TMEM108: variants seen among roughly 807,000 people sequenced by gnomAD.
TMEM108 encodes the protein cancer/testis antigen 124.
TMEM108 carries 12 observed loss-of-function variants against 35.1 expected under a neutral mutation model. The ratio of observed to expected loss-of-function variants is 0.34; its 90% CI spans 0.22 to 0.55. The LOEUF is 0.55. Ranked by LOEUF, TMEM108 falls within the 20% of genes least tolerant of loss-of-function variation. The pLI, the probability that TMEM108 is intolerant of heterozygous loss-of-function variation, is 0.89. For missense variants in TMEM108, 680 were observed against 753.3 expected, an observed-to-expected ratio of 0.90 and a Z score of 1.14; for synonymous variants, 287 against 308.6, an observed-to-expected ratio of 0.93 and a Z score of 0.73.
chr3:133,179,100 A>T (rs1945287734), intron 2 of TMEM108, among the ~76,000 whole-genome samples: 2 of 151,924 alleles, frequency 1.3e-5, no homozygotes, highest in Non-Finnish European at 2.9e-5. Context: ...TCAAAACCAC[A>T]ATGAGATACC....
intron 3 of TMEM108, among the ~76,000 whole-genome samples, chr3:133,286,175 TCAATAAAC>T (rs1946982168): frequency 2.0e-5 from 3 of 152,310 alleles, no homozygotes; most frequent in Admixed American, 2.0e-4. Context: ...CCATAAATTT[TCAATAAAC>T]TCCTTCTATA....
At chr3:133,337,637 C>T (rs181446106) in intron 3 of TMEM108, among the ~76,000 whole-genome samples, 1 of 152,204 alleles carries the variant, frequency 6.6e-6, no homozygotes, top group Admixed American at 6.5e-5. Context: ...CTTTAATGCC[C>T]AGACGTCGAA....
At chr3:133,171,805 G>GA (rs935441002) in intron 2 of TMEM108, among the ~76,000 whole-genome samples, 3 of 151,994 alleles carry the variant, frequency 2.0e-5, no homozygotes, top group African/African-American at 7.2e-5. Flanking sequence ...CACATTTTTT[G>GA]AAAAAACCTA....
At chr3:133,165,495 GA>G (rs1405909139) in intron 2 of TMEM108, among the ~76,000 whole-genome samples, 1 of 150,634 alleles carries the variant, frequency 6.6e-6, no homozygotes, top group South Asian at 2.1e-4. Flanking sequence ...GGTAAGTGGA[GA>G]AAAAAAAAGA....
chr3:133,157,930 A>AC (rs1438131538), intron 2 of TMEM108, among the ~76,000 whole-genome samples: 1 of 152,188 alleles, frequency 6.6e-6, no homozygotes, highest in African/African-American at 2.4e-5. Flanking sequence ...ACTGCAGACT[A>AC]CAACATGGCC....
chr3:133,378,462 G>A (rs1226297457), intron 3 of TMEM108: 1 of 985,364 alleles, frequency 1.0e-6, no homozygotes, highest in Non-Finnish European at 1.2e-6. Flanking sequence ...CGCAGACAGA[G>A]ATCTCTCTCC....
At chr3:133,251,633 A>G (rs1946472768) in intron 3 of TMEM108, among the ~76,000 whole-genome samples, 1 of 152,154 alleles carries the variant, frequency 6.6e-6, no homozygotes, top group Non-Finnish European at 1.5e-5. Flanking sequence ...TATCATAGAA[A>G]GGGAAGAGAT....
rs978412166 is a variant in TMEM108 at position 133,219,177 on chromosome 3, TC to T, written c.-46-10087del. 2.6e-5 allele frequency among the ~76,000 whole-genome samples: 4 copies of T among 152,146 alleles called. No individual in the cohort carries two copies. In the East Asian group the frequency reaches 5.8e-4, roughly 22 times the overall value. ...TATTCAATTTGTTGGCATATAATTG[TC>T]CACAGTAGTCTGTTATGATCCTTTG... On this transcript the variant is annotated intron_variant, in intron 2 of 5. Coordinates refer to ENST00000321871, the MANE Select transcript of TMEM108 (RefSeq NM_023943.4).
At chr3:133,302,961 G>A (rs886859274) in intron 3 of TMEM108, among the ~76,000 whole-genome samples, 1 of 152,036 alleles carries the variant, frequency 6.6e-6, no homozygotes, top group Non-Finnish European at 1.5e-5. Flanking sequence ...ATCAAACAGT[G>A]GACTCCATTT....
intron 4 of TMEM108, among the ~76,000 whole-genome samples, chr3:133,385,639 G>A (rs2073129575): frequency 6.6e-6 from 1 of 152,202 alleles, no homozygotes; most frequent in Non-Finnish European, 1.5e-5. Flanking sequence ...ACAAAACAAA[G>A]GGGCCAAACT....
chr3:133,309,081 T>C (rs1479984984), intron 3 of TMEM108, among the ~76,000 whole-genome samples: 2 of 152,216 alleles, frequency 1.3e-5, no homozygotes, highest in African/African-American at 2.4e-5. Flanking sequence ...CTTCCTGGTT[T>C]AGTCTTGGGA....
chr3:133,205,841 G>A (rs1945745019), intron 2 of TMEM108, among the ~76,000 whole-genome samples: 1 of 152,030 alleles, frequency 6.6e-6, no homozygotes, highest in African/African-American at 2.4e-5. Flanking sequence ...TTGAATGTTG[G>A]CCTGTCTTGC....
intron 3 of TMEM108, among the ~76,000 whole-genome samples, chr3:133,285,043 C>G (rs947301473): frequency 7.9e-5 from 12 of 151,852 alleles, no homozygotes; most frequent in African/African-American, 2.9e-4. Flanking sequence ...GATATTTCTT[C>G]ATTTATCTTT....
intron 3 of TMEM108, among the ~76,000 whole-genome samples, chr3:133,296,951 G>A (rs1347756077): frequency 2.6e-5 from 4 of 152,166 alleles, no homozygotes; most frequent in Non-Finnish European, 4.4e-5. Context: ...CTTTCTTAAT[G>A]GTTGGGGGGA....
At chr3:133,104,155 CTT>C (rs2107717771) in intron 2 of TMEM108, among the ~76,000 whole-genome samples, 1 of 95,146 alleles carries the variant, frequency 1.1e-5, no homozygotes, top group Non-Finnish European at 3.0e-5. Context: ...ATTTTCTTAA[CTT>C]CTCTTAGCCT....
intron 3 of TMEM108, among the ~76,000 whole-genome samples, chr3:133,344,640 A>G (rs1576475935): frequency 6.6e-6 from 1 of 151,864 alleles, no homozygotes; most frequent in African/African-American, 2.4e-5. Flanking sequence ...AAACAATCAC[A>G]CTTATGAATT....
chr3:133,095,587 T>C (rs1023682777), intron 2 of TMEM108, among the ~76,000 whole-genome samples: 4 of 152,114 alleles, frequency 2.6e-5, no homozygotes, highest in African/African-American at 9.7e-5. Context: ...TGCAACTAGA[T>C]GGTCTCATCT....
intron 2 of TMEM108, among the ~76,000 whole-genome samples, chr3:133,193,627 A>G (rs902318777): frequency 6.6e-6 from 1 of 152,180 alleles, no homozygotes; most frequent in Non-Finnish European, 1.5e-5. Flanking sequence ...CCCATCTGGC[A>G]TGTTGCTGGG....
chr3:133,241,609 C>CT (rs71136458), intron 3 of TMEM108, among the ~76,000 whole-genome samples: 9,389 of 76,126 alleles, frequency 0.12, 571 homozygotes, highest in South Asian at 0.22. Context: ...TTTCCTGTGG[C>CT]TTTTTTTTTT....
Sources: allele counts gnomAD v4.1 joint callset (sites outside exome capture counted in the v4.1 genomes callset), GRCh38; gene constraint gnomAD v4.1.1; transcripts MANE v1.5; gene names NCBI Gene and HGNC (gene_info 2026-07-23, HGNC 2026-07-21).